The following LPIN3 variants were observed in gnomAD, a reference collection of about 807,000 sequenced individuals.
The protein encoded by LPIN3 is lipin 3.
LPIN3 carries 82 observed loss-of-function variants against 94.7 expected under a neutral mutation model. The ratio of observed to expected loss-of-function variants is 0.87; its 90% CI spans 0.72 to 1.04. LPIN3 has a LOEUF of 1.04. Among genes scored for constraint, LPIN3 ranks in the 50% least tolerant of loss-of-function variants. The probability of loss-of-function intolerance (pLI) is 0.00; values close to 1 mark genes in which losing one functional copy is unlikely to be tolerated. For synonymous variants in LPIN3, 418 were observed against 443.3 expected (o/e 0.94, Z 0.72); for missense variants, 996 against 1,090.5 (o/e 0.91, Z 1.22).
intron 17 of LPIN3, 83 bp from the exon 18 acceptor site, chr20:41,358,153 AC>A: frequency 3.8e-6 from 6 of 1,573,236 alleles, no homozygotes; most frequent in Non-Finnish European, 5.2e-6. Context: ...GTGGGGTCAG[AC>A]CCCCCATCAC....
chr20:41,353,095 C>T (rs1290198173), intron 11 of LPIN3, among the ~76,000 whole-genome samples: 3 of 152,232 alleles, frequency 2.0e-5, no homozygotes, highest in Admixed American at 6.5e-5. Context: ...AACTTGACTT[C>T]AGAGGAGCTC....
Position 41,358,042 on chromosome 20 carries a change from C to G in LPIN3, c.2192+8C>G. 1 of 1,590,690 alleles carries G rather than the reference C, an allele frequency of 6.3e-7. No individual in the cohort carries two copies. The highest frequency in any genetic ancestry group is 8.6e-7 in the Non-Finnish European group (1 of 1,169,180). Reference sequence around the variant, plus strand: ...CTTCTCTGCCCTCCACAGGTAACCACCCCTACACATACAAGCCCGTGGCCC... The same window carrying G: ...CTTCTCTGCCCTCCACAGGTAACCAGCCCTACACATACAAGCCCGTGGCCC... On this transcript the variant is annotated splice_region_variant and intron_variant, in intron 17 of 19. Coordinates refer to ENST00000373257, the MANE Select transcript of LPIN3 (RefSeq NM_022896.3).
intron 1 of LPIN3, among the ~76,000 whole-genome samples, chr20:41,341,731 C>A (rs1234005750): frequency 5.9e-5 from 9 of 152,210 alleles, no homozygotes; most frequent in Non-Finnish European, 1.2e-4. Context: ...GCCTGTAATC[C>A]CAGCACTTTG....
chr20:41,352,953 G>A, intron 11 of LPIN3, 86 bp downstream of exon 11: 1 of 1,452,786 alleles, frequency 6.9e-7, no homozygotes, highest in South Asian at 1.1e-5. Context: ...AGTGAAGGGT[G>A]AGCAGAGATG....
At chr20:41,350,635 C>G (rs2045974530) in intron 7 of LPIN3, among the ~76,000 whole-genome samples, 2 of 152,114 alleles carry the variant, frequency 1.3e-5, no homozygotes, top group Non-Finnish European at 2.9e-5. Context: ...TCAGAGAAGG[C>G]CCCTCCGAGA....
Position 41,344,069 on chromosome 20 carries a change from A to AAAAAG in LPIN3, c.-8-1707_-8-1703dup, listed in dbSNP as rs557482033. Among the ~76,000 whole-genome samples the AAAAAG allele has an allele frequency of 5.4e-4, 82 of 152,206 alleles. No individual in the cohort carries two copies. In the South Asian group the frequency reaches 1.0e-2, roughly 18 times the overall value. ...AGAGTGAGATCCTGTCTCAAAAAAA[A>AAAAAG]AAAAGAAAAGAAAAGAAAAGAAAAA... On this transcript the variant is annotated intron_variant, in intron 1 of 19. Transcript: ENST00000373257.
intron 1 of LPIN3, among the ~76,000 whole-genome samples, chr20:41,345,578 C>T (rs892979170): frequency 6.6e-6 from 1 of 152,246 alleles, no homozygotes; most frequent in Admixed American, 6.5e-5. Context: ...GGGAAGGAGG[C>T]GGCTGCCCAA....
Position 41,355,975 on chromosome 20 carries a change from T to TC in LPIN3, c.1746dup (p.Thr583HisfsTer30). Reference sequence around the variant, plus strand: ...CCTGGAGATCCCCTCCTTGCCACCCTCCACTCCACCCTCCACTCCTACCTA... The same window carrying TC: ...CCTGGAGATCCCCTCCTTGCCACCCTCCCACTCCACCCTCCACTCCTACCTA... On this transcript the variant is annotated frameshift_variant, in exon 14 of 20. Transcript: ENST00000373257. LOFTEE classifies it high-confidence loss of function. 1 of 1,613,902 alleles carries TC rather than the reference T, an allele frequency of 6.2e-7. No individual in the cohort carries two copies. Among genetic ancestry groups the TC allele is most frequent in the Non-Finnish European group, 8.5e-7 (1 of 1,179,880 alleles).
intron 14 of LPIN3, 124 bp from the exon 15 acceptor site, chr20:41,356,916 C>T: frequency 1.7e-6 from 2 of 1,171,438 alleles, no homozygotes; most frequent in South Asian, 1.4e-5. Context: ...CAAGAAGCAT[C>T]TCTGAGCTGG....
chr20:41,353,632 C>A (rs964705524), intron 11 of LPIN3, among the ~76,000 whole-genome samples: 3 of 152,228 alleles, frequency 2.0e-5, no homozygotes, highest in Admixed American at 6.5e-5. Flanking sequence ...TTCCCAGAAC[C>A]TCTTCCCTGG....
chr20:41,354,965 G>A (rs1246423514), intron 13 of LPIN3, 102 bp downstream of exon 13: 4 of 1,173,314 alleles, frequency 3.4e-6, no homozygotes, highest in African/African-American at 1.6e-5. Flanking sequence ...GTCTCCAGCT[G>A]TGGGTTTTTT....
intron 13 of LPIN3, among the ~76,000 whole-genome samples, chr20:41,355,390 C>T (rs577469386): frequency 3.9e-5 from 6 of 152,332 alleles, no homozygotes; most frequent in African/African-American, 1.4e-4. Context: ...CATTTCCTGG[C>T]CAACAACCAG....
chr20:41,358,920 C>G lies in LPIN3; in HGVS notation c.*54C>G, dbSNP rs946968890. On this transcript the variant is annotated 3_prime_UTR_variant, in exon 20 of 20. Transcript: ENST00000373257. Reference sequence around the variant, plus strand: ...GCCCGGCCCAGGACTGGCTAGGTGTCCTGGGGTATAGGAGGGTGGGAATTG... The same window carrying G: ...GCCCGGCCCAGGACTGGCTAGGTGTGCTGGGGTATAGGAGGGTGGGAATTG... The G allele has an allele frequency of 1.9e-6, 3 of 1,600,582 alleles. No individual in the cohort carries two copies. The African/African-American group carries it at 4.0e-5, about 21-fold the overall frequency.
In LPIN3 at chr20:41,349,157, G is replaced by C; in HGVS notation, c.623G>C (p.Trp208Ser). 3 of 1,614,074 alleles carry C rather than the reference G, an allele frequency of 1.9e-6. No homozygotes were observed. The highest frequency in any genetic ancestry group is 2.5e-6 in the Non-Finnish European group (3 of 1,179,970). ...ATCTACCCCTACTCGGATGGCGAGT[G>C]GCCCCCCCAGGCCAGGTAAGAGTCC... ...KDIYPYSDGE[W>S]PPQASLSAGE... The change falls in exon 5 of 20, where the codon TGG (tryptophan) becomes TCG (serine). Residue 208 changes from tryptophan to serine, a missense_variant. Trp to Ser is a radical substitution (Grantham distance 177). Coordinates refer to ENST00000373257, the MANE Select transcript of LPIN3 (RefSeq NM_022896.3).
chr20:41,355,412 G>A (rs2046175040), intron 13 of LPIN3, among the ~76,000 whole-genome samples: 1 of 152,200 alleles, frequency 6.6e-6, no homozygotes, highest in African/African-American at 2.4e-5. Context: ...AAATGGCAGA[G>A]CTGACACAGG....
chr20:41,341,508 C>T (rs190871972), intron 1 of LPIN3, among the ~76,000 whole-genome samples: 10 of 152,288 alleles, frequency 6.6e-5, no homozygotes, highest in Admixed American at 3.3e-4. Context: ...CTGGGAGCCC[C>T]GAGGGCTGAG....
intron 4 of LPIN3, 27 bp from the exon 5 acceptor site, chr20:41,349,065 G>A: frequency 6.2e-7 from 1 of 1,613,502 alleles, no homozygotes; most frequent in South Asian, 1.1e-5. Flanking sequence ...CCTGATCAGT[G>A]ACCATTTCCT....
chr20:41,349,758 A>G lies in LPIN3; in HGVS notation c.639-16A>G. 6.2e-7 allele frequency: 1 copy of G among 1,607,936 alleles called. No homozygotes were observed. The highest frequency in any genetic ancestry group is 2.2e-5 in the East Asian group (1 of 44,832). ...TGGGTAGGCAGGCTCAAGGCCTCTC[A>G]ATATGTCTCCTGCAGCCTCTCAGCA... On this transcript the variant is annotated splice_polypyrimidine_tract_variant and intron_variant, in intron 5 of 19. Coordinates refer to ENST00000373257, the MANE Select transcript of LPIN3 (RefSeq NM_022896.3).
At chr20:41,356,455 G>A (rs2046211389) in intron 14 of LPIN3, among the ~76,000 whole-genome samples, 1 of 152,176 alleles carries the variant, frequency 6.6e-6, no homozygotes, top group South Asian at 2.1e-4. Flanking sequence ...CTTCATGGTT[G>A]TGGCTCCATG....
Sources: allele counts gnomAD v4.1 joint callset (sites outside exome capture counted in the v4.1 genomes callset), GRCh38; gene constraint gnomAD v4.1.1; transcripts MANE v1.5; gene names NCBI Gene and HGNC (gene_info 2026-07-23, HGNC 2026-07-21).